Variants in PPP1R12A observed in about 807,000 individuals in gnomAD.
PPP1R12A encodes the protein protein phosphatase 1 regulatory subunit 12A.
A neutral mutation model predicts 139.6 loss-of-function variants in PPP1R12A; 19 were observed. The observed-to-expected ratio is 0.14, with a 90% CI of 0.09 to 0.20. The LOEUF (loss-of-function observed/expected upper bound fraction) is 0.20, where lower values mean the gene tolerates loss of function less well. Ranked by LOEUF, PPP1R12A falls within the 10% of genes least tolerant of loss-of-function variation. PPP1R12A has a pLI of 1.00. For synonymous variants in PPP1R12A, 427 were observed against 420.6 expected (o/e 1.02, Z -0.19); for missense variants, 925 against 1,211.5 (o/e 0.76, Z 3.51).
intron 6 of PPP1R12A, 22 bp from the exon 7 acceptor site, chr12:79,821,188 G>C: frequency 6.5e-7 from 1 of 1,538,752 alleles, no homozygotes; most frequent in Non-Finnish European, 8.9e-7. Flanking sequence ...GTTATGCAAA[G>C]GAAAATAAGA....
At chr12:79,810,882 T>G (rs1268994580) in intron 9 of PPP1R12A, among the ~76,000 whole-genome samples, 1 of 149,418 alleles carries the variant, frequency 6.7e-6, no homozygotes, top group Non-Finnish European at 1.5e-5. Flanking sequence ...CCAATTATAA[T>G]ACTTTTTTTT....
At chr12:79,839,038 G>T (rs1878407611) in intron 3 of PPP1R12A, among the ~76,000 whole-genome samples, 1 of 152,190 alleles carries the variant, frequency 6.6e-6, no homozygotes, top group South Asian at 2.1e-4. Flanking sequence ...GCCAGGAGTG[G>T]GGCTGTACCC....
intron 3 of PPP1R12A, among the ~76,000 whole-genome samples, chr12:79,840,344 C>T (rs1878563079): frequency 6.6e-6 from 1 of 152,226 alleles, no homozygotes; most frequent in Admixed American, 6.5e-5. Context: ...TCATTGTTAG[C>T]ACTTAGCTTT....
chr12:79,843,115 TTTCC>T (rs556584164), intron 3 of PPP1R12A, among the ~76,000 whole-genome samples: 17 of 152,202 alleles, frequency 1.1e-4, no homozygotes, highest in Non-Finnish European at 2.4e-4. Context: ...GTATGTTTGA[TTTCC>T]TTCCTTAAGG....
intron 12 of PPP1R12A, 157 bp downstream of exon 12, chr12:79,807,069 T>C (rs1294512452): frequency 2.0e-6 from 1 of 495,024 alleles, no homozygotes; most frequent in Non-Finnish European, 3.5e-6. Flanking sequence ...TCTTTAAATA[T>C]ATATCCTGTG....
At chr12:79,877,523 C>A (rs188128323) in intron 1 of PPP1R12A, among the ~76,000 whole-genome samples, 15 of 152,178 alleles carry the variant, frequency 9.9e-5, no homozygotes, top group Non-Finnish European at 2.1e-4. Flanking sequence ...TGATTAAATT[C>A]TTTCTCTTTT....
chr12:79,911,442 C>T (rs1286793287), intron 1 of PPP1R12A, among the ~76,000 whole-genome samples: 1 of 152,070 alleles, frequency 6.6e-6, no homozygotes, highest in Non-Finnish European at 1.5e-5. Context: ...TGGGGCCTAC[C>T]TGAGGGTGGA....
intron 1 of PPP1R12A, among the ~76,000 whole-genome samples, chr12:79,891,241 A>C (rs1038550732): frequency 6.6e-6 from 1 of 152,174 alleles, no homozygotes; most frequent in African/African-American, 2.4e-5. Flanking sequence ...GATTGAAAAA[A>C]TCTTATATGG....
chr12:79,898,299 A>G (rs914114532), intron 1 of PPP1R12A, among the ~76,000 whole-genome samples: 1 of 152,152 alleles, frequency 6.6e-6, no homozygotes, highest in South Asian at 2.1e-4. Flanking sequence ...AAATACAAAA[A>G]GAAAAAATTA....
chr12:79,827,718 C>T (rs764779065), intron 5 of PPP1R12A, among the ~76,000 whole-genome samples: 26 of 152,194 alleles, frequency 1.7e-4, no homozygotes, highest in Middle Eastern at 3.4e-3. Flanking sequence ...CCTCCTTCTA[C>T]GTAATTGTGG....
chr12:79,873,488 T>C (rs1490158043), intron 1 of PPP1R12A, among the ~76,000 whole-genome samples: 4 of 113,760 alleles, frequency 3.5e-5, no homozygotes, highest in African/African-American at 1.2e-4. Flanking sequence ...CACTTTGTAC[T>C]CATAATTTAA....
chr12:79,891,380 A>C (rs765856802), intron 1 of PPP1R12A, among the ~76,000 whole-genome samples: 2 of 152,136 alleles, frequency 1.3e-5, no homozygotes, highest in Non-Finnish European at 2.9e-5. Flanking sequence ...GGGGCACTGA[A>C]CATTTAGATG....
chr12:79,906,695 G>A (rs1161277487), intron 1 of PPP1R12A, among the ~76,000 whole-genome samples: 2 of 152,130 alleles, frequency 1.3e-5, no homozygotes, highest in South Asian at 2.1e-4. Context: ...ACAGGCTGGA[G>A]TGCAGTGGCA....
chr12:79,923,847 G>A lies in PPP1R12A; in HGVS notation c.237+10848C>T, dbSNP rs192562291. The stretch of plus-strand genomic sequence containing the variant: ...CACCTGAGGTCAGGAGTTTGAGACC[G>A]GTCTGGCCAACATGGTGAAACCCAG... On this transcript the variant is annotated intron_variant, in intron 1 of 24. Transcript: ENST00000450142. Among the ~76,000 whole-genome samples, 71 of 152,068 alleles carry A rather than the reference G, an allele frequency of 4.7e-4. No individual in the cohort carries two copies. The East Asian group carries it at 7.9e-3, about 17-fold the overall frequency.
intron 2 of PPP1R12A, among the ~76,000 whole-genome samples, chr12:79,865,939 G>A (rs565401866): frequency 1.5e-4 from 23 of 152,264 alleles, no homozygotes; most frequent in African/African-American, 4.1e-4. Flanking sequence ...AGCTACCACT[G>A]AGTTTCTTCA....
chr12:79,788,851 A>C, intron 20 of PPP1R12A, 68 bp from the exon 21 acceptor site: 1 of 1,352,156 alleles, frequency 7.4e-7, no homozygotes, highest in South Asian at 1.4e-5. Context: ...CATACATCCT[A>C]GTACACATAT....
intron 1 of PPP1R12A, among the ~76,000 whole-genome samples, chr12:79,919,773 C>T (rs1887297504): frequency 6.6e-6 from 1 of 152,092 alleles, no homozygotes; most frequent in Non-Finnish European, 1.5e-5. Context: ...TGACTAATAC[C>T]AAGCCTAGGC....
At chr12:79,886,523 C>T (rs1382894617) in intron 1 of PPP1R12A, among the ~76,000 whole-genome samples, 1 of 152,092 alleles carries the variant, frequency 6.6e-6, no homozygotes, top group African/African-American at 2.4e-5. Flanking sequence ...AAAACATACA[C>T]AATGGCTAGA....
intron 1 of PPP1R12A, among the ~76,000 whole-genome samples, chr12:79,904,067 T>G (rs1399927811): frequency 1.3e-5 from 2 of 151,982 alleles, no homozygotes; most frequent in East Asian, 3.9e-4. Context: ...ATATAAAAAT[T>G]AGCCAGGCAT....
Sources: gnomAD v4.1 joint callset for allele counts (sites outside exome capture counted in the v4.1 genomes callset) on GRCh38, gnomAD v4.1.1 for gene constraint, MANE v1.5 for transcripts, NCBI Gene and HGNC (gene_info 2026-07-23, HGNC 2026-07-21) for gene names.